Variants in TMEM150C observed in about 807,000 individuals in gnomAD.
TMEM150C encodes tentonin 3.
In TMEM150C, 10 loss-of-function variants were observed where a neutral mutation model predicts 29.9. The observed-to-expected ratio is 0.33, with a 90% CI of 0.21 to 0.57. TMEM150C has a LOEUF of 0.57. TMEM150C is among the 20% of genes least tolerant of loss of function. The pLI is 0.88. For synonymous variants in TMEM150C, 101 were observed against 112.5 expected, an observed-to-expected ratio of 0.90 and a Z score of 0.64; for missense variants, 251 against 303.6, an observed-to-expected ratio of 0.83 and a Z score of 1.29.
chr4:82,524,743 T>C (rs1724599523), intron 1 of TMEM150C, among the ~76,000 whole-genome samples: 1 of 152,200 alleles, frequency 6.6e-6, no homozygotes, highest in African/African-American at 2.4e-5. Context: ...AATGCAAATG[T>C]AGCAACTTTG....
Position 82,501,145 on chromosome 4 carries a change from G to A in TMEM150C, c.235+1582C>T, listed in dbSNP as rs185727164. The stretch of plus-strand genomic sequence containing the variant: ...CAAATGTTCCTTAGCAGCTATTTAT[G>A]TCTTGGGATGAATAAGTTTATTAGG... On this transcript the variant is annotated intron_variant, in intron 5 of 7. Coordinates refer to ENST00000449862, the MANE Select transcript of TMEM150C (RefSeq NM_001080506.3). Among the ~76,000 whole-genome samples the A allele has an allele frequency of 9.1e-4, 138 of 152,338 alleles. 1 individual carries two copies. Among genetic ancestry groups the A allele is most frequent in the Admixed American group, 5.7e-3 (87 of 15,304 alleles).
chr4:82,507,723 CTCTCTTTTTTTTTTTTT>C lies in TMEM150C; in HGVS notation c.-10-3073_-10-3057del, dbSNP rs1210074519. On this transcript the variant is annotated intron_variant, in intron 1 of 7. Coordinates refer to ENST00000449862, the MANE Select transcript of TMEM150C (RefSeq NM_001080506.3). Reference sequence around the variant, plus strand: ...TATATTAAATTAACTCTCTCTCTCTCTCTCTTTTTTTTTTTTTTTTTTTTTTTTTTTTTTTTTTTTTT... The same window carrying C: ...TATATTAAATTAACTCTCTCTCTCTCTTTTTTTTTTTTTTTTTTTTTTTTT... 4.2e-4 allele frequency among the ~76,000 whole-genome samples: 36 copies of C among 86,018 alleles called. 2 individuals carry two copies. The highest frequency in any genetic ancestry group is 1.1e-3 in the Admixed American group (8 of 7,618). The allele number at this position is 86,018 out of a possible 152,430, so 56.4% of individuals were successfully genotyped here. A position where few individuals can be genotyped will look rare whatever the true frequency, so the allele number is the denominator to read the frequency against.
chr4:82,505,379 A>G (rs1011921604), intron 1 of TMEM150C, among the ~76,000 whole-genome samples: 1 of 152,190 alleles, frequency 6.6e-6, no homozygotes, highest in African/African-American at 2.4e-5. Context: ...TTATCCTTGT[A>G]TAAGTATTGA....
At chr4:82,553,222 G>A (rs553657733) in intron 1 of TMEM150C, among the ~76,000 whole-genome samples, 8 of 152,040 alleles carry the variant, frequency 5.3e-5, no homozygotes, top group African/African-American at 1.9e-4. Context: ...GACTCCTATC[G>A]AAAAAACATC....
intron 1 of TMEM150C, among the ~76,000 whole-genome samples, chr4:82,509,971 T>A (rs1009515729): frequency 9.2e-5 from 14 of 152,184 alleles, no homozygotes; most frequent in African/African-American, 3.4e-4. Context: ...AAACTTTCTA[T>A]TTTATCAAGC....
chr4:82,487,574 C>T (rs1723204085), intron 7 of TMEM150C, among the ~76,000 whole-genome samples: 1 of 152,148 alleles, frequency 6.6e-6, no homozygotes, highest in African/African-American at 2.4e-5. Flanking sequence ...CTCCTTTTAT[C>T]TTATATTGGC....
chr4:82,512,780 G>A (rs1251405056), intron 1 of TMEM150C, among the ~76,000 whole-genome samples: 2 of 152,108 alleles, frequency 1.3e-5, no homozygotes, highest in African/African-American at 4.8e-5. Flanking sequence ...TGGTCACAAT[G>A]GCAGTTTTTG....
intron 1 of TMEM150C, among the ~76,000 whole-genome samples, chr4:82,507,885 T>C (rs1272987380): frequency 1.3e-5 from 2 of 151,636 alleles, no homozygotes; most frequent in Admixed American, 1.3e-4. Context: ...TAGCTGGGAC[T>C]ACAGCTGCAC....
chr4:82,506,985 G>A (rs1723942339), intron 1 of TMEM150C, among the ~76,000 whole-genome samples: 1 of 152,052 alleles, frequency 6.6e-6, no homozygotes, highest in Non-Finnish European at 1.5e-5. Context: ...ATAGGGTCTG[G>A]GTCGTTACTT....
intron 5 of TMEM150C, among the ~76,000 whole-genome samples, chr4:82,499,816 C>T (rs1283663658): frequency 1.3e-5 from 2 of 148,250 alleles, no homozygotes; most frequent in African/African-American, 5.0e-5. Context: ...TTTTAAAGTT[C>T]GAAACTCAAA....
At position 82,497,635 on chromosome 4, in the gene TMEM150C, T is replaced by C. The variant is rs572274815; in HGVS notation, c.236-1440A>G. Among the ~76,000 whole-genome samples the C allele has an allele frequency of 3.9e-5, 6 of 152,366 alleles. No individual in the cohort carries two copies. The South Asian group carries it at 1.2e-3, about 32-fold the overall frequency. On this transcript the variant is annotated intron_variant, in intron 5 of 7. Transcript: ENST00000449862. ...AAAATCTCAAATTGTTCAGCCCTGA[T>C]ATATCTTTCAGTATATGCTTCAGCT...
intron 1 of TMEM150C, among the ~76,000 whole-genome samples, chr4:82,507,789 C>A (rs114911401): frequency 0.022 from 2,506 of 113,558 alleles, 43 homozygotes; most frequent in Admixed American, 0.032. Flanking sequence ...CGCTTTGTCA[C>A]CCAGGCTGGA....
intron 1 of TMEM150C, among the ~76,000 whole-genome samples, chr4:82,544,153 C>G (rs1450489018): frequency 6.6e-6 from 1 of 152,144 alleles, no homozygotes; most frequent in African/African-American, 2.4e-5. Context: ...CTTAAACACC[C>G]TAGGGTGCCA....
intron 1 of TMEM150C, among the ~76,000 whole-genome samples, chr4:82,539,992 T>A (rs1038790707): frequency 6.6e-6 from 1 of 152,048 alleles, no homozygotes; most frequent in Non-Finnish European, 1.5e-5. Context: ...AGGAGATTAG[T>A]TTGGAATTTG....
intron 1 of TMEM150C, among the ~76,000 whole-genome samples, chr4:82,522,858 C>T (rs1293654541): frequency 6.6e-6 from 1 of 152,060 alleles, no homozygotes; most frequent in Non-Finnish European, 1.5e-5. Context: ...GGGATTCTTG[C>T]CAAAGACACC....
intron 1 of TMEM150C, among the ~76,000 whole-genome samples, chr4:82,510,083 T>C (rs1457793210): frequency 1.3e-5 from 2 of 151,740 alleles, no homozygotes; most frequent in Non-Finnish European, 2.9e-5. Flanking sequence ...ATCGAGACCA[T>C]CCTGGCTAAC....
intron 1 of TMEM150C, among the ~76,000 whole-genome samples, chr4:82,557,708 G>A (rs1202133723): frequency 2.7e-5 from 4 of 150,784 alleles, no homozygotes. Flanking sequence ...TTCAGAGCAA[G>A]TACAAGTGGT....
At chr4:82,558,456 C>T (rs921036187) in intron 1 of TMEM150C, among the ~76,000 whole-genome samples, 1 of 152,148 alleles carries the variant, frequency 6.6e-6, no homozygotes, top group South Asian at 2.1e-4. Flanking sequence ...TCAAGCCCTA[C>T]CTACCAAAGC....
At chr4:82,527,019 C>CTTTTTTTTTTTTTTTTTTTTTT (rs893109064) in intron 1 of TMEM150C, among the ~76,000 whole-genome samples, 2 of 74,690 alleles carry the variant, frequency 2.7e-5, no homozygotes, top group Non-Finnish European at 4.8e-5. Context: ...CATACTGGGT[C>CTTTTTTTTTTTTTTTTTTTTTT]TTTTTTTTTT....
Sources: allele counts gnomAD v4.1 joint callset (sites outside exome capture counted in the v4.1 genomes callset), GRCh38; gene constraint gnomAD v4.1.1; transcripts MANE v1.5; gene names NCBI Gene and HGNC (gene_info 2026-07-23, HGNC 2026-07-21).